Variants in MSI2 observed in about 807,000 individuals in gnomAD.
MSI2 encodes musashi RNA binding protein 2.
MSI2 carries 17 observed loss-of-function variants against 45.6 expected under a neutral mutation model. That is an observed-to-expected ratio of 0.37 (90% confidence interval 0.26 to 0.56). The LOEUF (loss-of-function observed/expected upper bound fraction) is 0.56. Ranked by LOEUF, MSI2 falls within the 20% of genes least tolerant of loss-of-function variation. The pLI is 0.77. For synonymous variants in MSI2, 156 were observed against 158.2 expected (o/e 0.99, Z 0.11); for missense variants, 293 against 444.2 (o/e 0.66, Z 3.06).
chr17:57,686,826 C>T (rs2144779535), downstream of MSI2, among the ~76,000 whole-genome samples: 1 of 152,208 alleles, frequency 6.6e-6, no homozygotes, highest in Non-Finnish European at 1.5e-5. Context: ...ATATACCTCT[C>T]TTAGAACTAG....
chr17:57,554,237 GA>G (rs1279545693), intron 7 of MSI2, among the ~76,000 whole-genome samples: 80 of 151,454 alleles, frequency 5.3e-4, no homozygotes, highest in African/African-American at 1.9e-3. Flanking sequence ...TGGGGCGGGG[GA>G]GGGGGGGGAT....
intron 7 of MSI2, among the ~76,000 whole-genome samples, chr17:57,588,740 C>T (rs1028061438): frequency 1.3e-5 from 2 of 152,162 alleles, no homozygotes; most frequent in East Asian, 3.9e-4. Flanking sequence ...AGGGCTCTTG[C>T]CTATTTCATA....
chr17:57,358,189 CTGTGTGTGTGGGGGGGTGTG>C (rs934288950), intron 5 of MSI2, among the ~76,000 whole-genome samples: 2 of 60,318 alleles, frequency 3.3e-5, no homozygotes, highest in Non-Finnish European at 7.4e-5. Context: ...GTGGGTTTTT[CTGTGTGTGTGGGGGGGTGTG>C]TGTGTGTGTG....
At position 57,280,878 on chromosome 17, in the gene MSI2, C is replaced by G. The variant is rs1299457901; in HGVS notation, c.312+18686C>G. On this transcript the variant is annotated intron_variant, in intron 5 of 13. Transcript: ENST00000284073. This position sits in a 1 kb window ranked among gnomAD's most constrained non-coding sequence, Gnocchi z 4.2. Reference sequence around the variant, plus strand: ...CTTCTAAACCCTACTTCGGAGACCACTGCTTTTGGCCATGGGGAGCACTTA... The same window carrying G: ...CTTCTAAACCCTACTTCGGAGACCAGTGCTTTTGGCCATGGGGAGCACTTA... Among the ~76,000 whole-genome samples, 1 of 152,056 alleles carries G rather than the reference C, an allele frequency of 6.6e-6. No individual in the cohort carries two copies. Among genetic ancestry groups the G allele is most frequent in the Non-Finnish European group, 1.5e-5 (1 of 68,024 alleles).
rs771034145 is a variant in MSI2, at chr17:57,459,312, AAGGTG to A, written c.405+57848_405+57852del. Among the ~76,000 whole-genome samples, 92 of 152,140 alleles carry A rather than the reference AAGGTG, an allele frequency of 6.0e-4. 1 individual carries two copies. The highest frequency in any genetic ancestry group is 1.0e-3 in the South Asian group (5 of 4,800). ...GGGTGGGAAAGGAATGAGGTGAGAGAAGGTGAGGTGAACATGGGATGCCGCACGGG... is the reference window on the plus strand; with the variant it reads ...GGGTGGGAAAGGAATGAGGTGAGAGAAGGTGAACATGGGATGCCGCACGGG... On this transcript the variant is annotated intron_variant, in intron 6 of 13. Transcript: ENST00000284073.
Position 57,652,148 on chromosome 17 carries a change from A to G in MSI2, c.777A>G (p.Ala259=), listed in dbSNP as rs1273701449. Residue 259 remains alanine (A), a synonymous_variant, in exon 11 of 14, where the codon GCA becomes GCG. Coordinates refer to ENST00000284073, the MANE Select transcript of MSI2 (RefSeq NM_138962.4). This position sits in a 1 kb window ranked among gnomAD's most constrained non-coding sequence, Gnocchi z 4.1. ...YGPVAAAAVA[A]ARGSGSNPAR... is the part of the protein sequence containing the mutation. The stretch of plus-strand genomic sequence containing the variant: ...CAGTGGCAGCAGCGGCGGTGGCGGC[A>G]GCAAGAGGATCAGGTAGGAAGGTGT... The G allele has an allele frequency of 6.2e-7, 1 of 1,614,076 alleles. No homozygotes were observed. The highest frequency in any genetic ancestry group is 2.2e-5 in the East Asian group (1 of 44,856).
intron 5 of MSI2, among the ~76,000 whole-genome samples, chr17:57,335,992 G>C (rs1347722093): frequency 2.0e-5 from 3 of 152,180 alleles, no homozygotes; most frequent in Non-Finnish European, 4.4e-5. Flanking sequence ...AGCCACAGTG[G>C]GGTTCTGAGC....
At chr17:57,497,964 A>G (rs558936879) in intron 6 of MSI2, among the ~76,000 whole-genome samples, 20 of 152,334 alleles carry the variant, frequency 1.3e-4, no homozygotes, top group African/African-American at 3.6e-4. Context: ...AGTGGGAGCC[A>G]TGACCTCAAA....
intron 6 of MSI2, among the ~76,000 whole-genome samples, chr17:57,438,762 G>A (rs920847950): frequency 7.2e-5 from 11 of 152,036 alleles, no homozygotes; most frequent in Admixed American, 1.3e-4. Flanking sequence ...CAGTCTGACC[G>A]GAGCCTAGGG....
chr17:57,383,318 G>A (rs1046913061), intron 5 of MSI2, among the ~76,000 whole-genome samples: 1 of 152,254 alleles, frequency 6.6e-6, no homozygotes. Context: ...CTGTTTTAAG[G>A]TGGCTGTTTG....
intron 5 of MSI2, among the ~76,000 whole-genome samples, chr17:57,274,052 G>C (rs1319191320): frequency 6.6e-6 from 1 of 152,166 alleles, no homozygotes; most frequent in African/African-American, 2.4e-5. Context: ...CTCAGATATT[G>C]ACAGGAGAGA....
chr17:57,654,441 G>C (rs1014256598), intron 11 of MSI2, among the ~76,000 whole-genome samples: 1 of 152,250 alleles, frequency 6.6e-6, no homozygotes, highest in Non-Finnish European at 1.5e-5. Flanking sequence ...TCTAGAAAAT[G>C]ATCGGGAAGC....
chr17:57,559,657 C>T (rs117816861), intron 7 of MSI2, among the ~76,000 whole-genome samples: 1,790 of 152,364 alleles, frequency 0.012, 6 homozygotes, highest in African/African-American at 0.021. Flanking sequence ...GCTGTGCTGA[C>T]GACAGCCTGC....
At chr17:57,609,737 TG>T (rs1156276554) in intron 8 of MSI2, among the ~76,000 whole-genome samples, 5 of 152,204 alleles carry the variant, frequency 3.3e-5, no homozygotes, top group Non-Finnish European at 7.3e-5. Context: ...TCGGATCCAC[TG>T]GGGAGGAGTG....
At chr17:57,532,747 GCAGAAGTTGAGGA>G (rs1282612604) in intron 7 of MSI2, among the ~76,000 whole-genome samples, 1 of 152,180 alleles carries the variant, frequency 6.6e-6, no homozygotes, top group African/African-American at 2.4e-5. Context: ...TGCTGCAGTG[GCAGAAGTTGAGGA>G]CATCTCCCTG....
At chr17:57,688,731 A>G (rs895879352), downstream of MSI2, among the ~76,000 whole-genome samples, 3 of 152,180 alleles carry the variant, frequency 2.0e-5, no homozygotes, top group African/African-American at 7.2e-5. Flanking sequence ...ACATGGATAC[A>G]AAGAAAGGGG....
At chr17:57,482,792 C>G (rs1198706565) in intron 6 of MSI2, among the ~76,000 whole-genome samples, 1 of 152,188 alleles carries the variant, frequency 6.6e-6, no homozygotes, top group Non-Finnish European at 1.5e-5. Flanking sequence ...TTTAGCAAGT[C>G]AAGGCCAGAC....
At chr17:57,608,273 C>G (rs1032992903) in intron 8 of MSI2, 5 of 152,420 alleles carry the variant, frequency 3.3e-5, no homozygotes, top group Admixed American at 3.3e-4. Flanking sequence ...AGTCAGGAAT[C>G]CATCTTGGCC....
intron 5 of MSI2, among the ~76,000 whole-genome samples, chr17:57,315,803 T>C (rs892149711): frequency 2.0e-5 from 3 of 152,184 alleles, no homozygotes; most frequent in African/African-American, 7.2e-5. Flanking sequence ...AGCTTTGCAA[T>C]TCTGATTTTC....
Sources: gnomAD v4.1 joint callset for allele counts (sites outside exome capture counted in the v4.1 genomes callset) on GRCh38, gnomAD v4.1.1 for gene constraint, Gnocchi (gnomAD v3.1) non-coding constraint, MANE v1.5 for transcripts, NCBI Gene and HGNC (gene_info 2026-07-23, HGNC 2026-07-21) for gene names.